The following MACROD2 variants were observed in gnomAD, a reference collection of about 807,000 sequenced individuals.
MACROD2 encodes mono-ADP ribosylhydrolase 2.
In MACROD2, 36 loss-of-function variants were observed where a neutral mutation model predicts 70.4. That is an observed-to-expected ratio of 0.51 (90% CI 0.39 to 0.68). The LOEUF (loss-of-function observed/expected upper bound fraction) is 0.68. MACROD2 is among the 30% of genes least tolerant of loss of function. MACROD2 has a pLI of 0.00. For missense variants in MACROD2, 496 were observed against 538.4 expected, an observed-to-expected ratio of 0.92 and a Z score of 0.78; for synonymous variants, 172 against 178.8, an observed-to-expected ratio of 0.96 and a Z score of 0.30.
intron 8 of MACROD2, among the ~76,000 whole-genome samples, chr20:15,669,412 C>G (rs965357591): frequency 1.3e-5 from 2 of 152,140 alleles, no homozygotes; most frequent in Non-Finnish European, 2.9e-5. Context: ...TGGGTTTAAA[C>G]TGAGCCGACT....
chr20:14,702,854 A>C (rs1453229373), intron 5 of MACROD2, among the ~76,000 whole-genome samples: 3 of 150,514 alleles, frequency 2.0e-5, no homozygotes, highest in African/African-American at 7.4e-5. Flanking sequence ...CAGCCTCCCT[A>C]GTAGCTAGGA....
At chr20:14,596,333 TC>T (rs1229525572) in intron 4 of MACROD2, among the ~76,000 whole-genome samples, 2 of 150,466 alleles carry the variant, frequency 1.3e-5, no homozygotes, top group Admixed American at 6.6e-5. Flanking sequence ...CTTGTGATCC[TC>T]CCGCCTCGGC....
At position 16,052,711 on chromosome 20, in the gene MACROD2, G is replaced by C. The variant is rs925780771; in HGVS notation, c.*2835G>C. The C allele has an allele frequency of 2.6e-5, 4 of 152,594 alleles. No individual in the cohort carries two copies. Among genetic ancestry groups the C allele is most frequent in the African/African-American group, 9.7e-5 (4 of 41,434 alleles). The allele number at this position is 152,594 out of a possible 1,614,324, so 9.5% of individuals were successfully genotyped here. ...AAATCTTTCTATGAAACACTGAAAA[G>C]CCTCTTTGTGAATTAATACAGTTCT... is the stretch of plus-strand genomic sequence containing the variant. On this transcript the variant is annotated 3_prime_UTR_variant, in exon 18 of 18. Transcript: ENST00000684519.
intron 5 of MACROD2, among the ~76,000 whole-genome samples, chr20:15,065,598 G>C (rs1001141598): frequency 6.7e-5 from 10 of 149,936 alleles, no homozygotes; most frequent in Non-Finnish European, 1.2e-4. Flanking sequence ...AGCTTGCAGT[G>C]AGCCAAGATC....
intron 10 of MACROD2, among the ~76,000 whole-genome samples, chr20:15,895,730 C>G (rs969707415): frequency 6.6e-6 from 1 of 152,182 alleles, no homozygotes. Flanking sequence ...GGGCCTCCAT[C>G]CCTTGTACAG....
chr20:15,690,972 G>A (rs1319363963), intron 8 of MACROD2, among the ~76,000 whole-genome samples: 1 of 152,096 alleles, frequency 6.6e-6, no homozygotes, highest in Non-Finnish European at 1.5e-5. Flanking sequence ...CTCTAAGCAG[G>A]TATTTTTATT....
At chr20:14,771,118 A>C (rs964420503) in intron 5 of MACROD2, among the ~76,000 whole-genome samples, 1 of 152,016 alleles carries the variant, frequency 6.6e-6, no homozygotes, top group Non-Finnish European at 1.5e-5. Context: ...ACAAAAATGT[A>C]GAGGAAGGGA....
At chr20:15,172,224 A>C (rs540133177) in intron 5 of MACROD2, among the ~76,000 whole-genome samples, 169 of 152,240 alleles carry the variant, frequency 1.1e-3, no homozygotes, top group South Asian at 7.5e-3. Context: ...AAAAGGAAAA[A>C]TCTGCAAATC....
chr20:15,256,767 G>T (rs2223007), intron 6 of MACROD2, among the ~76,000 whole-genome samples: 2 of 151,820 alleles, frequency 1.3e-5, no homozygotes, highest in Non-Finnish European at 2.9e-5. Flanking sequence ...GCATGGATAT[G>T]GTATACTTGG....
At chr20:15,823,621 T>C (rs2063965231) in intron 8 of MACROD2, among the ~76,000 whole-genome samples, 1 of 152,232 alleles carries the variant, frequency 6.6e-6, no homozygotes, top group Non-Finnish European at 1.5e-5. Context: ...TTTCCAACTA[T>C]TTATCAACAT....
intron 8 of MACROD2, among the ~76,000 whole-genome samples, chr20:15,700,384 G>A (rs986197965): frequency 6.6e-6 from 1 of 152,204 alleles, no homozygotes; most frequent in African/African-American, 2.4e-5. Flanking sequence ...TTTCGCAGGG[G>A]CATCTGTTCC....
intron 15 of MACROD2, among the ~76,000 whole-genome samples, chr20:16,029,567 C>T (rs950371345): frequency 2.0e-5 from 3 of 152,152 alleles, no homozygotes; most frequent in South Asian, 4.1e-4. Context: ...AAGGAAGGCA[C>T]CTTTCTGGAA....
chr20:15,801,053 G>C (rs2063720231), intron 8 of MACROD2, among the ~76,000 whole-genome samples: 1 of 149,998 alleles, frequency 6.7e-6, no homozygotes, highest in Admixed American at 6.6e-5. Flanking sequence ...AAACACTGCG[G>C]AAGTCCGCAG....
chr20:15,398,422 A>T (rs150749297), intron 6 of MACROD2, among the ~76,000 whole-genome samples: 1 of 152,342 alleles, frequency 6.6e-6, no homozygotes, highest in East Asian at 1.9e-4. Context: ...TGACTAAATT[A>T]GGCTACTCTC....
chr20:15,637,508 GTTTCA>G (rs2049388746), intron 8 of MACROD2, among the ~76,000 whole-genome samples: 1 of 152,206 alleles, frequency 6.6e-6, no homozygotes, highest in African/African-American at 2.4e-5. Flanking sequence ...CCAAAGGGTT[GTTTCA>G]GACTGGCTTT....
chr20:15,904,999 C>G (rs906208484), intron 10 of MACROD2, among the ~76,000 whole-genome samples: 1 of 152,062 alleles, frequency 6.6e-6, no homozygotes, highest in South Asian at 2.1e-4. Context: ...AATCAGATCC[C>G]TGAATTCTAT....
In MACROD2 at chr20:15,327,282, A is replaced by G. The variant is rs529411748; in HGVS notation, c.540+97221A>G. On this transcript the variant is annotated intron_variant, in intron 6 of 17. Coordinates refer to ENST00000684519, the MANE Select transcript of MACROD2 (RefSeq NM_001351661.2). ...ATAAGAATATTCCCTTTTTCTGGGTACAGGGATTGCACCTCTCACATGATG... is the reference window on the plus strand; with the variant it reads ...ATAAGAATATTCCCTTTTTCTGGGTGCAGGGATTGCACCTCTCACATGATG... Among the ~76,000 whole-genome samples, 6 of 152,292 alleles carry G rather than the reference A, an allele frequency of 3.9e-5. No individual in the cohort carries two copies. In the South Asian group the frequency reaches 1.2e-3, roughly 32 times the overall value.
chr20:14,996,404 T>C (rs1487860629), intron 5 of MACROD2, among the ~76,000 whole-genome samples: 1 of 152,124 alleles, frequency 6.6e-6, no homozygotes, highest in Non-Finnish European at 1.5e-5. Context: ...GAAAAGCCCA[T>C]TGAAGAGTCT....
At chr20:14,512,985 G>A (rs1197720524) in intron 4 of MACROD2, among the ~76,000 whole-genome samples, 1 of 152,042 alleles carries the variant, frequency 6.6e-6, no homozygotes, top group Non-Finnish European at 1.5e-5. Flanking sequence ...GGCTCCAAAT[G>A]CCTGCTTTTA....
Sources: allele counts gnomAD v4.1 joint callset (sites outside exome capture counted in the v4.1 genomes callset), GRCh38; gene constraint gnomAD v4.1.1; transcripts MANE v1.5; gene names NCBI Gene and HGNC (gene_info 2026-07-23, HGNC 2026-07-21).